PPFIA2: variants seen among roughly 807,000 people sequenced by gnomAD.
PPFIA2 encodes liprin-alpha-2.
Under a neutral mutation model 175.5 loss-of-function variants are expected in PPFIA2, and 46 were observed. That is an observed-to-expected ratio of 0.26 (90% CI 0.21 to 0.34). The LOEUF is 0.34. Ranked by LOEUF, PPFIA2 falls within the 10% of genes least tolerant of loss-of-function variation. PPFIA2 has a pLI of 1.00. For missense variants in PPFIA2, 1,179 were observed against 1,506.1 expected, an observed-to-expected ratio of 0.78 and a Z score of 3.60; for synonymous variants, 568 against 511.4, an observed-to-expected ratio of 1.11 and a Z score of -1.49.
intron 22 of PPFIA2, among the ~76,000 whole-genome samples, chr12:81,310,722 A>C (rs2050560533): frequency 6.6e-6 from 1 of 152,204 alleles, no homozygotes; most frequent in Non-Finnish European, 1.5e-5. Context: ...TACTCTAAAC[A>C]AAACCTGCCT....
At chr12:81,606,204 G>A (rs558999245) in intron 4 of PPFIA2, among the ~76,000 whole-genome samples, 4 of 151,964 alleles carry the variant, frequency 2.6e-5, no homozygotes, top group African/African-American at 4.8e-5. Flanking sequence ...GCACATTTTC[G>A]CTATCCAGTC....
intron 22 of PPFIA2, among the ~76,000 whole-genome samples, chr12:81,306,304 G>T (rs1276922551): frequency 6.6e-6 from 1 of 152,066 alleles, no homozygotes; most frequent in African/African-American, 2.4e-5. Flanking sequence ...GCTTGAGCTT[G>T]ATTCCTTTGC....
intron 2 of PPFIA2, among the ~76,000 whole-genome samples, chr12:81,754,865 T>C (rs2084393806): frequency 6.6e-6 from 1 of 152,198 alleles, no homozygotes; most frequent in Non-Finnish European, 1.5e-5. Flanking sequence ...TTTTATTACT[T>C]TTATATGCTC....
intron 4 of PPFIA2, among the ~76,000 whole-genome samples, chr12:81,487,220 G>T (rs934707240): frequency 6.6e-6 from 1 of 151,816 alleles, no homozygotes; most frequent in Non-Finnish European, 1.5e-5. Context: ...GGTGACCCCT[G>T]GAAAGACGAA....
intron 4 of PPFIA2, among the ~76,000 whole-genome samples, chr12:81,515,970 A>AT (rs750627761): frequency 9.1e-4 from 100 of 110,424 alleles, no homozygotes; most frequent in Non-Finnish European, 1.6e-3. Context: ...CAGCATGCCA[A>AT]ATTTTTTTTT....
intron 3 of PPFIA2, among the ~76,000 whole-genome samples, chr12:81,708,111 A>C (rs1281685244): frequency 6.6e-6 from 1 of 151,626 alleles, no homozygotes; most frequent in Non-Finnish European, 1.5e-5. Context: ...AGCATGTCAC[A>C]TGTATACATA....
intron 4 of PPFIA2, among the ~76,000 whole-genome samples, chr12:81,597,106 T>C (rs2059329928): frequency 1.3e-5 from 2 of 152,098 alleles, no homozygotes; most frequent in African/African-American, 4.8e-5. Context: ...TGTCAGGCTG[T>C]CTATATTTCC....
rs1566915109 is a variant in PPFIA2, at chr12:81,457,810, C to T, written c.360G>A (p.Lys120=). 2 of 1,609,632 alleles carry T rather than the reference C, an allele frequency of 1.2e-6. No homozygotes were observed. The change falls in exon 5 of 33, where the codon AAG becomes AAA. Residue 120 remains lysine (K), a synonymous_variant. Coordinates refer to ENST00000549396, the MANE Select transcript of PPFIA2 (RefSeq NM_003625.5). ...CTTTAAGTTCAGAGATTTCTTCTTC[C>T]TTTTCTAGAAGTTGTTCCCTGCAGG... The part of the protein sequence containing the change: ...LNACREQLLE[K]EEEISELKAE...
intron 3 of PPFIA2, among the ~76,000 whole-genome samples, chr12:81,738,279 A>G (rs1223774008): frequency 6.6e-6 from 1 of 151,986 alleles, no homozygotes; most frequent in Non-Finnish European, 1.5e-5. Flanking sequence ...TTTCAGGAAT[A>G]AAGGTGAAGT....
intron 4 of PPFIA2, among the ~76,000 whole-genome samples, chr12:81,628,438 G>A (rs1487233632): frequency 2.1e-5 from 3 of 143,318 alleles, no homozygotes; most frequent in South Asian, 2.2e-4. Flanking sequence ...GTGCAGTGGC[G>A]TGATCTTGGC....
At chr12:81,504,054 C>T (rs572220404) in intron 4 of PPFIA2, among the ~76,000 whole-genome samples, 17 of 151,842 alleles carry the variant, frequency 1.1e-4, no homozygotes, top group East Asian at 1.9e-4. Context: ...TTTTGAGATA[C>T]TTTTATGTGC....
intron 4 of PPFIA2, among the ~76,000 whole-genome samples, chr12:81,644,296 A>G (rs911267935): frequency 6.6e-5 from 10 of 152,032 alleles, no homozygotes; most frequent in African/African-American, 2.4e-4. Context: ...AATGATGTTT[A>G]CATGAATATA....
intron 4 of PPFIA2, among the ~76,000 whole-genome samples, chr12:81,534,813 G>C (rs76840053): frequency 6.6e-6 from 1 of 151,586 alleles, no homozygotes; most frequent in African/African-American, 2.4e-5. Context: ...AAGAAGATGA[G>C]AAAAAAGAGA....
chr12:81,751,423 T>A (rs2083758374), intron 3 of PPFIA2, among the ~76,000 whole-genome samples: 1 of 151,776 alleles, frequency 6.6e-6, no homozygotes, highest in Non-Finnish European at 1.5e-5. Context: ...CTTTTTTTTT[T>A]TTTACCATGC....
chr12:81,391,395 T>C (rs1348661047), intron 8 of PPFIA2, among the ~76,000 whole-genome samples: 1 of 151,866 alleles, frequency 6.6e-6, no homozygotes, highest in Non-Finnish European at 1.5e-5. Context: ...AATATGAGAC[T>C]TGACAGGGAA....
intron 30 of PPFIA2, 92 bp from the exon 31 acceptor site, chr12:81,263,482 AT>A: frequency 8.8e-7 from 1 of 1,135,838 alleles, no homozygotes; most frequent in Non-Finnish European, 1.2e-6. Context: ...AACATAGATT[AT>A]TTACATTTAG....
chr12:81,363,413 T>C (rs2031791620), intron 14 of PPFIA2, among the ~76,000 whole-genome samples: 1 of 151,684 alleles, frequency 6.6e-6, no homozygotes. Flanking sequence ...TACTTAATTA[T>C]AATTTTCTCA....
chr12:81,368,094 A>G (rs1334714595), intron 13 of PPFIA2: 12 of 1,286,854 alleles, frequency 9.3e-6, no homozygotes, highest in Non-Finnish European at 1.1e-5. Flanking sequence ...TCCGGGTTTT[A>G]TACCCTACCT....
At chr12:81,547,723 TA>T (rs1289486319) in intron 4 of PPFIA2, among the ~76,000 whole-genome samples, 1 of 152,144 alleles carries the variant, frequency 6.6e-6, no homozygotes, top group African/African-American at 2.4e-5. Flanking sequence ...TGACACTCTA[TA>T]AAAATTCCAT....
Sources: gnomAD v4.1 joint callset for allele counts (sites outside exome capture counted in the v4.1 genomes callset) on GRCh38, gnomAD v4.1.1 for gene constraint, MANE v1.5 for transcripts, NCBI Gene and HGNC (gene_info 2026-07-23, HGNC 2026-07-21) for gene names.